The following KLF14 variants were observed in gnomAD, a reference collection of about 807,000 sequenced individuals.
KLF14 encodes the protein Krueppel-like factor 14.
KLF14 carries 13 observed loss-of-function variants against 16.2 expected under a neutral mutation model. That is an observed-to-expected ratio of 0.80 (90% CI 0.52 to 1.28). The LOEUF is 1.28. KLF14 is among the 50% of genes most tolerant of loss of function. The probability of loss-of-function intolerance (pLI) is 0.00; values close to 1 mark genes in which losing one functional copy is unlikely to be tolerated. For synonymous variants in KLF14, 276 were observed against 233.7 expected (o/e 1.18, Z -1.65); for missense variants, 571 against 493.4 (o/e 1.16, Z -1.49).
At position 130,732,935 on chromosome 7, in the gene KLF14, C is replaced by A; in HGVS notation, c.*127G>T. 8.0e-7 allele frequency: 1 copy of A among 1,250,542 alleles called. No homozygotes were observed. The highest frequency in any genetic ancestry group is 1.1e-6 in the Non-Finnish European group (1 of 925,544). The allele number at this position is 1,250,542 out of a possible 1,614,324, so 77.5% of individuals were successfully genotyped here. ...GTCCACATGTCTGCCTGGACCCACC[C>A]TCAGAGCAGAGGAACCAGTCTGTGC... On this transcript the variant is annotated 3_prime_UTR_variant, in exon 1 of 1. Coordinates refer to ENST00000583337, the MANE Select transcript of KLF14 (RefSeq NM_138693.4).
rs1797197047 is a variant in KLF14 at position 130,732,099 on chromosome 7, T to TG, written c.*962dup. The TG allele has an allele frequency of 2.6e-5, 4 of 152,296 alleles. No individual in the cohort carries two copies. In the South Asian group the frequency reaches 8.3e-4, roughly 32 times the overall value. The allele number at this position is 152,296 out of a possible 1,614,324, so 9.4% of individuals were successfully genotyped here. ...CTACCACTCCTGAGATTACATAAGG[T>TG]GGGGCAGCTGTGTCCACACGCCTCT... On this transcript the variant is annotated 3_prime_UTR_variant, in exon 1 of 1. Coordinates refer to ENST00000583337, the MANE Select transcript of KLF14 (RefSeq NM_138693.4).
chr7:130,732,929 C>T lies in KLF14; in HGVS notation c.*133G>A. ...CCCAGAGTCCACATGTCTGCCTGGA[C>T]CCACCCTCAGAGCAGAGGAACCAGT... On this transcript the variant is annotated 3_prime_UTR_variant, in exon 1 of 1. Coordinates refer to ENST00000583337, the MANE Select transcript of KLF14 (RefSeq NM_138693.4). The T allele has an allele frequency of 1.7e-6, 2 of 1,184,212 alleles. No individual in the cohort carries two copies. Among genetic ancestry groups the T allele is most frequent in the Non-Finnish European group, 2.3e-6 (2 of 866,882 alleles). The allele number at this position is 1,184,212 out of a possible 1,614,324, so 73.4% of individuals were successfully genotyped here.
Position 130,733,590 on chromosome 7 carries a change from G to A in KLF14, c.444C>T (p.Pro148=), listed in dbSNP as rs925306885. ...VCAPESSSDA[P]AVPSAPAAPG... is the part of the protein sequence containing the mutation. ...GGGCAGCAGGCGCGCTTGGGACGGCGGGCGCATCGGAGGAGCTCTCGGGAG... is the reference window on the plus strand; with the variant it reads ...GGGCAGCAGGCGCGCTTGGGACGGCAGGCGCATCGGAGGAGCTCTCGGGAG... The change falls in exon 1 of 1, where the codon CCC becomes CCT. Residue 148 remains proline, a synonymous_variant. Coordinates refer to ENST00000583337, the MANE Select transcript of KLF14 (RefSeq NM_138693.4). The surrounding 1 kb of genome is among the most constrained non-coding windows in gnomAD (Gnocchi z 5.2). 6.5e-6 allele frequency: 10 copies of A among 1,547,236 alleles called. No homozygotes were observed. The highest frequency in any genetic ancestry group is 2.4e-5 in the East Asian group (1 of 41,052).
At position 130,731,099 on chromosome 7, in the gene KLF14, G is replaced by A. The variant is rs1554470491; in HGVS notation, c.*1963C>T. On this transcript the variant is annotated 3_prime_UTR_variant, in exon 1 of 1. Transcript: ENST00000583337. Reference sequence around the variant, plus strand: ...TCTAAGGACCCCTCCCTCACTTAGTGTAGGAGCACTTAGTACAGTCCCAAT... The same window carrying A: ...TCTAAGGACCCCTCCCTCACTTAGTATAGGAGCACTTAGTACAGTCCCAAT... 1 of 152,186 alleles carries A rather than the reference G, an allele frequency of 6.6e-6. No individual in the cohort carries two copies. The highest frequency in any genetic ancestry group is 1.9e-4 in the East Asian group (1 of 5,196). The allele number at this position is 152,186 out of a possible 1,614,324, so 9.4% of individuals were successfully genotyped here.
chr7:130,731,120 C>T lies in KLF14; in HGVS notation c.*1942G>A, dbSNP rs1481378838. The T allele has an allele frequency of 6.6e-6, 1 of 152,120 alleles. No individual in the cohort carries two copies. 9.4% of individuals were successfully genotyped at this position (152,120 alleles called of 1,614,324 possible). On this transcript the variant is annotated 3_prime_UTR_variant, in exon 1 of 1. Coordinates refer to ENST00000583337, the MANE Select transcript of KLF14 (RefSeq NM_138693.4). ...TAGTGTAGGAGCACTTAGTACAGTC[C>T]CAATGTCATGTTTGTATCATTCACT...
In KLF14 at chr7:130,734,029, G is replaced by A; in HGVS notation, c.5C>T (p.Ser2Leu). Residue 2 changes from serine (S) to leucine (L), a missense_variant, in exon 1 of 1, where the codon TCG (serine) becomes TTG (leucine). Coordinates refer to ENST00000583337, the MANE Select transcript of KLF14 (RefSeq NM_138693.4). The surrounding 1 kb of genome is among the most constrained non-coding windows in gnomAD (Gnocchi z 4.4). ...GTAGTCCAGGCACGCCACGGCGGCC[G>A]ACATGCTGGGACCGCCCGGCCGCCG... MSAAVACLDYFA... is the reference protein window; with the variant it reads MLAAVACLDYFA... 1.6e-6 allele frequency: 2 copies of A among 1,264,834 alleles called. No homozygotes were observed. Among genetic ancestry groups the A allele is most frequent in the African/African-American group, 1.6e-5 (1 of 62,834 alleles). 78.4% of individuals were successfully genotyped at this position (1,264,834 alleles called of 1,614,324 possible). A position where few individuals can be genotyped will look rare whatever the true frequency, so the allele number is the denominator to read the frequency against.
In KLF14 at chr7:130,731,199, A is replaced by C. The variant is rs1301480163; in HGVS notation, c.*1863T>G. On this transcript the variant is annotated 3_prime_UTR_variant, in exon 1 of 1. Coordinates refer to ENST00000583337, the MANE Select transcript of KLF14 (RefSeq NM_138693.4). Reference sequence around the variant, plus strand: ...CAGAAAAAGAAGGGAATTCACACTGAAAATTAACCTAGCAGGTCCAAAGAG... The same window carrying C: ...CAGAAAAAGAAGGGAATTCACACTGCAAATTAACCTAGCAGGTCCAAAGAG... 6.6e-6 allele frequency: 1 copy of C among 152,286 alleles called. No individual in the cohort carries two copies. The highest frequency in any genetic ancestry group is 2.4e-5 in the African/African-American group (1 of 41,448). 9.4% of individuals were successfully genotyped at this position (152,286 alleles called of 1,614,324 possible).
At position 130,733,536 on chromosome 7, in the gene KLF14, G is replaced by C; in HGVS notation, c.498C>G (p.Phe166Leu). Residue 166 changes from phenylalanine to leucine, a missense_variant, in exon 1 of 1, where the codon TTC becomes TTG. Physicochemically the swap from Phe to Leu is conservative, Grantham distance 22. Transcript: ENST00000583337. This position sits in a 1 kb window ranked among gnomAD's most constrained non-coding sequence, Gnocchi z 5.2. ...GGCCTGCCCCTAGGGCCCCTCCAGA[G>C]AACCCACCAGAGGCTGCTGGTGCGC... ...APGAPAASGGFSGGALGAGPA... is the reference protein window; with the variant it reads ...APGAPAASGGLSGGALGAGPA... 1 of 1,567,972 alleles carries C rather than the reference G, an allele frequency of 6.4e-7. No individual in the cohort carries two copies.
At position 130,733,822 on chromosome 7, in the gene KLF14, G is replaced by A. The variant is rs1369301525; in HGVS notation, c.212C>T (p.Ala71Val). 5.0e-6 allele frequency: 7 copies of A among 1,402,774 alleles called. No individual in the cohort carries two copies. Among genetic ancestry groups the A allele is most frequent in the Admixed American group, 3.4e-5 (1 of 29,628 alleles). The allele number at this position is 1,402,774 out of a possible 1,614,324, so 86.9% of individuals were successfully genotyped here. ...ASVPQLPQVP[A>V]PSPGAGGAAP... ...GGCGCCGCCCGCGCCGGGGCTGGGG[G>A]CGGGGACCTGCGGGAGCTGGGGGAC... is the stretch of plus-strand genomic sequence containing the variant. Residue 71 changes from alanine to valine, a missense_variant, in exon 1 of 1, where the codon GCC (alanine) becomes GTC (valine). Ala to Val is a moderately conservative substitution (Grantham distance 64). Transcript: ENST00000583337. This position sits in a 1 kb window ranked among gnomAD's most constrained non-coding sequence, Gnocchi z 5.2.
chr7:130,732,047 A>C lies in KLF14; in HGVS notation c.*1015T>G, dbSNP rs1554470618. 1 of 152,204 alleles carries C rather than the reference A, an allele frequency of 6.6e-6. No homozygotes were observed. The allele number at this position is 152,204 out of a possible 1,614,324, so 9.4% of individuals were successfully genotyped here. A position where few individuals can be genotyped will look rare whatever the true frequency, so the allele number is the denominator to read the frequency against. ...CAGACTCTGAGGGAAATAACCCCCT[A>C]GTTAGCCATTAGGAAATTAACAGAA... On this transcript the variant is annotated 3_prime_UTR_variant, in exon 1 of 1. Coordinates refer to ENST00000583337, the MANE Select transcript of KLF14 (RefSeq NM_138693.4).
Position 130,733,127 on chromosome 7 carries a change from C to A in KLF14, c.907G>T (p.Glu303Ter), listed in dbSNP as rs781966832. ...GAGCCGGAGGCGGAGCTTTCCACCT[C>A]GCTGGTGAGTGGCGGGTCGATGCGG... ...TPRIDPPLTS[E>*]VESSASGSGP... Residue 303 changes from glutamate (E) to a stop codon, truncating the protein, a stop_gained, in exon 1 of 1, where the codon GAG (glutamate) becomes TAG (stop). Coordinates refer to ENST00000583337, the MANE Select transcript of KLF14 (RefSeq NM_138693.4). LOFTEE classifies it high-confidence loss of function. The surrounding 1 kb of genome is among the most constrained non-coding windows in gnomAD (Gnocchi z 5.2). The A allele has an allele frequency of 4.4e-6, 7 of 1,592,506 alleles. 1 individual carries two copies. The South Asian group carries it at 6.8e-5, about 16-fold the overall frequency.
rs561088941 is a variant in KLF14 at position 130,733,792 on chromosome 7, G to A, written c.242C>T (p.Pro81Leu). The change falls in exon 1 of 1, where the codon CCC becomes CTC. Residue 81 changes from proline to leucine, a missense_variant. By Grantham distance (98) the Pro-to-Leu change is moderately conservative. Transcript: ENST00000583337. The surrounding 1 kb of genome is among the most constrained non-coding windows in gnomAD (Gnocchi z 5.2). ...APSPGAGGAA[P>L]HLLAASVWAD... ...CCAGACGCTTGCAGCCAGCAGGTGG[G>A]GCGCGGCGCCGCCCGCGCCGGGGCT... is the stretch of plus-strand genomic sequence containing the variant. 1.3e-6 allele frequency: 2 copies of A among 1,482,432 alleles called. No individual in the cohort carries two copies. The highest frequency in any genetic ancestry group is 4.5e-5 in the Admixed American group (2 of 44,106). The allele number at this position is 1,482,432 out of a possible 1,614,324, so 91.8% of individuals were successfully genotyped here. A position where few individuals can be genotyped will look rare whatever the true frequency, so the allele number is the denominator to read the frequency against.
chr7:130,731,484 C>G lies in KLF14; in HGVS notation c.*1578G>C, dbSNP rs1168065006. On this transcript the variant is annotated 3_prime_UTR_variant, in exon 1 of 1. Transcript: ENST00000583337. ...GCAGGCCAGACACCTAAGTTCTAGT[C>G]ATGGCTCTTCCCAGCAACCTAGCAT... The G allele has an allele frequency of 6.6e-6, 1 of 152,028 alleles. No individual in the cohort carries two copies. The highest frequency in any genetic ancestry group is 1.5e-5 in the Non-Finnish European group (1 of 68,026). 9.4% of individuals were successfully genotyped at this position (152,028 alleles called of 1,614,324 possible). A position where few individuals can be genotyped will look rare whatever the true frequency, so the allele number is the denominator to read the frequency against.
chr7:130,733,209 G>C lies in KLF14; in HGVS notation c.825C>G (p.Arg275=). ...TATCTGGATGATAGGTTGGGTGGCGGCGAGCATGCTTGGTCAGGTGGTCGC... is the reference window on the plus strand; with the variant it reads ...TATCTGGATGATAGGTTGGGTGGCGCCGAGCATGCTTGGTCAGGTGGTCGC... ...SRSDHLTKHA[R]RHPTYHPDMI... Residue 275 remains arginine, a synonymous_variant, in exon 1 of 1, where the codon CGC becomes CGG. Transcript: ENST00000583337. The surrounding 1 kb of genome is among the most constrained non-coding windows in gnomAD (Gnocchi z 5.2). 6.2e-7 allele frequency: 1 copy of C among 1,605,852 alleles called. No homozygotes were observed. Among genetic ancestry groups the C allele is most frequent in the Middle Eastern group, 1.7e-4 (1 of 6,058 alleles).
rs775762638 is a variant in KLF14, at chr7:130,730,826, A to G, written c.*2236T>C. Among the ~76,000 whole-genome samples, 14 of 152,230 alleles carry G rather than the reference A, an allele frequency of 9.2e-5. No homozygotes were observed. Among genetic ancestry groups the G allele is most frequent in the Admixed American group, 3.3e-4 (5 of 15,288 alleles). On this transcript the variant is annotated 3_prime_UTR_variant, in exon 1 of 1. Transcript: ENST00000583337. ...CCTTGGTCCACTTACCCAATGGCAGATCTTCAACTGAAAAGGACAAAGAGG... is the reference window on the plus strand; with the variant it reads ...CCTTGGTCCACTTACCCAATGGCAGGTCTTCAACTGAAAAGGACAAAGAGG...
At position 130,733,640 on chromosome 7, in the gene KLF14, CG is replaced by C; in HGVS notation, c.393del (p.Ala132ProfsTer40). On this transcript the variant is annotated frameshift_variant, in exon 1 of 1. Coordinates refer to ENST00000583337, the MANE Select transcript of KLF14 (RefSeq NM_138693.4). LOFTEE classifies it high-confidence loss of function. The surrounding 1 kb of genome is among the most constrained non-coding windows in gnomAD (Gnocchi z 5.2). The part of the protein sequence containing the change: ...SVQTPCSELA[P>X]ASGAAAVCAP... ...GCGCAGACCGCCGCGGCGCCGGAGG[CG>C]GGAGCCAGCTCGGAGCACGGGGTCT... The C allele has an allele frequency of 6.5e-7, 1 of 1,545,448 alleles. No homozygotes were observed. The highest frequency in any genetic ancestry group is 8.7e-7 in the Non-Finnish European group (1 of 1,149,176).
chr7:130,734,027 C>T lies in KLF14; in HGVS notation c.7G>A (p.Ala3Thr). 3.3e-5 allele frequency: 43 copies of T among 1,312,578 alleles called. No homozygotes were observed. The highest frequency in any genetic ancestry group is 4.2e-5 in the Non-Finnish European group (43 of 1,027,246). The allele number at this position is 1,312,578 out of a possible 1,614,324, so 81.3% of individuals were successfully genotyped here. MS[A>T]AVACLDYFAA... ...AAGTAGTCCAGGCACGCCACGGCGG[C>T]CGACATGCTGGGACCGCCCGGCCGC... Residue 3 changes from alanine (A) to threonine (T), a missense_variant, in exon 1 of 1, where the codon GCC becomes ACC. Coordinates refer to ENST00000583337, the MANE Select transcript of KLF14 (RefSeq NM_138693.4). The surrounding 1 kb of genome is among the most constrained non-coding windows in gnomAD (Gnocchi z 4.4).
In KLF14 at chr7:130,733,947, C is replaced by T; in HGVS notation, c.87G>A (p.Pro29=). 4 of 1,364,046 alleles carry T rather than the reference C, an allele frequency of 2.9e-6. No homozygotes were observed. Among genetic ancestry groups the T allele is most frequent in the Admixed American group, 3.0e-5 (1 of 33,530 alleles). 84.5% of individuals were successfully genotyped at this position (1,364,046 alleles called of 1,614,324 possible). ...MSAGAVVHRR[P]PDPEGAGGAA... is the part of the protein sequence containing the mutation. Reference sequence around the variant, plus strand: ...CTCCACCCGCGCCCTCGGGGTCCGGCGGGCGGCGGTGAACCACGGCGCCCG... The same window carrying T: ...CTCCACCCGCGCCCTCGGGGTCCGGTGGGCGGCGGTGAACCACGGCGCCCG... The change falls in exon 1 of 1, where the codon CCG becomes CCA. Residue 29 remains proline, a synonymous_variant. Transcript: ENST00000583337. The surrounding 1 kb of genome is among the most constrained non-coding windows in gnomAD (Gnocchi z 5.2).
Position 130,733,651 on chromosome 7 carries a change from TCGGAGCACGGGGTCTGGA to T in KLF14, c.365_382del (p.Val122_Ser127del), listed in dbSNP as rs781823469. 5.1e-6 allele frequency: 8 copies of T among 1,553,836 alleles called. No individual in the cohort carries two copies. Among genetic ancestry groups the T allele is most frequent in the Admixed American group, 1.9e-5 (1 of 51,394 alleles). ...CGCGGCGCCGGAGGCGGGAGCCAGC[TCGGAGCACGGGGTCTGGA>T]CGGAGCACGGGATCGGGTCGGAGAA... On this transcript the variant is annotated inframe_deletion, in exon 1 of 1. Coordinates refer to ENST00000583337, the MANE Select transcript of KLF14 (RefSeq NM_138693.4). This position sits in a 1 kb window ranked among gnomAD's most constrained non-coding sequence, Gnocchi z 5.2.
Sources: allele counts gnomAD v4.1 joint callset (sites outside exome capture counted in the v4.1 genomes callset), GRCh38; gene constraint gnomAD v4.1.1; non-coding constraint Gnocchi (gnomAD v3.1); transcripts MANE v1.5; gene names NCBI Gene and HGNC (gene_info 2026-07-23, HGNC 2026-07-21).